Variants in CLSTN2 observed in about 807,000 individuals in gnomAD.
CLSTN2 encodes the protein calsyntenin 2.
Under a neutral mutation model 101.2 loss-of-function variants are expected in CLSTN2, and 48 were observed. The observed-to-expected ratio is 0.47, with a 90% confidence interval of 0.38 to 0.60. The LOEUF is 0.60. Ranked by LOEUF, CLSTN2 falls within the 20% of genes least tolerant of loss-of-function variation. The probability of loss-of-function intolerance (pLI) is 0.00; values close to 1 mark genes in which losing one functional copy is unlikely to be tolerated. For synonymous variants in CLSTN2, 481 were observed against 463.6 expected, an observed-to-expected ratio of 1.04 and a Z score of -0.48; for missense variants, 1,160 against 1,238.2, an observed-to-expected ratio of 0.94 and a Z score of 0.95.
intron 2 of CLSTN2, among the ~76,000 whole-genome samples, chr3:140,361,401 C>T (rs1280186900): frequency 1.3e-5 from 2 of 152,272 alleles, no homozygotes; most frequent in East Asian, 1.9e-4. Flanking sequence ...AGATGGAAAT[C>T]TCTCTCCATA....
chr3:140,400,319 C>A (rs577561998), intron 2 of CLSTN2, among the ~76,000 whole-genome samples: 6 of 152,196 alleles, frequency 3.9e-5, no homozygotes, highest in Non-Finnish European at 8.8e-5. Flanking sequence ...GGTGGACATG[C>A]GTATTGCAGC....
chr3:139,937,049 T>TC (rs1302196376), intron 1 of CLSTN2, among the ~76,000 whole-genome samples: 1 of 95,872 alleles, frequency 1.0e-5, no homozygotes, highest in Non-Finnish European at 2.1e-5. Context: ...TCCAAACATC[T>TC]CCCCCCTGCT....
At chr3:140,277,436 A>G (rs1455710043) in intron 2 of CLSTN2, among the ~76,000 whole-genome samples, 1 of 152,194 alleles carries the variant, frequency 6.6e-6, no homozygotes, top group Non-Finnish European at 1.5e-5. Flanking sequence ...CCTGAGACAG[A>G]TTCCTTCTGA....
intron 1 of CLSTN2, among the ~76,000 whole-genome samples, chr3:140,122,033 T>C (rs2009349260): frequency 1.3e-5 from 2 of 152,138 alleles, no homozygotes; most frequent in African/African-American, 4.8e-5. Flanking sequence ...GTAACTGTCA[T>C]GGAGAGGATT....
chr3:139,982,483 A>C (rs1935948629), intron 1 of CLSTN2, among the ~76,000 whole-genome samples: 1 of 152,154 alleles, frequency 6.6e-6, no homozygotes, highest in Admixed American at 6.6e-5. Flanking sequence ...AATAGCTGCA[A>C]ATGCTAGAAA....
intron 1 of CLSTN2, among the ~76,000 whole-genome samples, chr3:139,959,432 A>C (rs1935465032): frequency 6.6e-6 from 1 of 152,226 alleles, no homozygotes; most frequent in Non-Finnish European, 1.5e-5. Flanking sequence ...ACCAGATTAA[A>C]CAGATATCGA....
chr3:140,153,670 T>G (rs2009904837), intron 1 of CLSTN2, among the ~76,000 whole-genome samples: 1 of 152,222 alleles, frequency 6.6e-6, no homozygotes, highest in Non-Finnish European at 1.5e-5. Context: ...CTTTTGAGGG[T>G]AAAGGGCCTT....
At chr3:140,078,017 G>A (rs1352092832) in intron 1 of CLSTN2, among the ~76,000 whole-genome samples, 1 of 152,194 alleles carries the variant, frequency 6.6e-6, no homozygotes, top group South Asian at 2.1e-4. Context: ...GGTCAACTGT[G>A]AAGCTGAATT....
At chr3:140,412,894 A>G (rs560590787) in intron 4 of CLSTN2, among the ~76,000 whole-genome samples, 1 of 152,334 alleles carries the variant, frequency 6.6e-6, no homozygotes, top group Admixed American at 6.5e-5. Flanking sequence ...AGGCCATTTT[A>G]AAAGGGAATG....
At chr3:140,285,604 G>C (rs571000217) in intron 2 of CLSTN2, among the ~76,000 whole-genome samples, 1 of 152,142 alleles carries the variant, frequency 6.6e-6, no homozygotes, top group African/African-American at 2.4e-5. Context: ...CTCCCAGAAG[G>C]CTTGTTAAAC....
chr3:140,208,375 T>C (rs1440782895), intron 2 of CLSTN2, among the ~76,000 whole-genome samples: 1 of 152,242 alleles, frequency 6.6e-6, no homozygotes, highest in Non-Finnish European at 1.5e-5. Flanking sequence ...TTTAGGAGAA[T>C]AGACTTCACT....
At chr3:139,965,281 T>G (rs1475829270) in intron 1 of CLSTN2, among the ~76,000 whole-genome samples, 3 of 152,228 alleles carry the variant, frequency 2.0e-5, no homozygotes, top group African/African-American at 7.2e-5. Context: ...ACCTCCCTAC[T>G]TTGGTATACC....
At chr3:140,159,654 A>C (rs72986195) in intron 1 of CLSTN2, among the ~76,000 whole-genome samples, 11,974 of 152,124 alleles carry the variant, frequency 0.079, 1,272 homozygotes, top group African/African-American at 0.24. Flanking sequence ...CCCAGCAATC[A>C]CACTCCTGGG....
chr3:140,375,855 G>C (rs556933475), intron 2 of CLSTN2, among the ~76,000 whole-genome samples: 1 of 151,948 alleles, frequency 6.6e-6, no homozygotes, highest in South Asian at 2.1e-4. Context: ...GAAAGTCTGG[G>C]GCAGAATCAT....
chr3:140,126,782 G>A (rs2009440488), intron 1 of CLSTN2, among the ~76,000 whole-genome samples: 1 of 152,044 alleles, frequency 6.6e-6, no homozygotes, highest in Admixed American at 6.5e-5. Flanking sequence ...TGTTCACTGA[G>A]AGCCTGAATT....
intron 2 of CLSTN2, among the ~76,000 whole-genome samples, chr3:140,233,971 G>C (rs905851624): frequency 6.6e-6 from 1 of 152,190 alleles, no homozygotes; most frequent in South Asian, 2.1e-4. Flanking sequence ...CAGTGGCAGA[G>C]TTAAGTAGTC....
intron 2 of CLSTN2, among the ~76,000 whole-genome samples, chr3:140,281,743 T>C (rs2086849056): frequency 8.9e-6 from 1 of 112,880 alleles, no homozygotes; most frequent in African/African-American, 3.1e-5. Context: ...AAATTAATAA[T>C]AAAACTGTCA....
chr3:140,073,268 G>C (rs1484857914), intron 1 of CLSTN2, among the ~76,000 whole-genome samples: 2 of 152,192 alleles, frequency 1.3e-5, no homozygotes, highest in African/African-American at 4.8e-5. Flanking sequence ...AAGAAAGAAG[G>C]AGAGAGGGGG....
At chr3:140,453,412 T>G (rs1933298780) in intron 6 of CLSTN2, 1 of 152,228 alleles carries the variant, frequency 6.6e-6, no homozygotes, top group South Asian at 2.1e-4. Context: ...GAGACTTTGG[T>G]AGAGGGCTCA....
Sources: allele counts gnomAD v4.1 joint callset (sites outside exome capture counted in the v4.1 genomes callset), GRCh38; gene constraint gnomAD v4.1.1; transcripts MANE v1.5; gene names NCBI Gene and HGNC (gene_info 2026-07-23, HGNC 2026-07-21).